The following ALK variants were observed in gnomAD, a reference collection of about 807,000 sequenced individuals.
The protein encoded by ALK is ALK receptor tyrosine kinase, also known as ALK tyrosine kinase receptor.
ALK carries 74 observed loss-of-function variants against 163.1 expected under a neutral mutation model. The ratio of observed to expected loss-of-function variants is 0.45; its 90% CI spans 0.38 to 0.55. The LOEUF is 0.55. ALK is among the 20% of genes least tolerant of loss of function. ALK has a pLI of 0.00. For synonymous variants in ALK, 960 were observed against 843.2 expected (o/e 1.14, Z -2.40); for missense variants, 2,063 against 2,105.3 (o/e 0.98, Z 0.39).
At chr2:29,247,623 T>G (rs116294896) in intron 12 of ALK, among the ~76,000 whole-genome samples, 1,541 of 152,316 alleles carry the variant, frequency 0.01, 34 homozygotes, top group African/African-American at 0.034. Flanking sequence ...GGGCCCAGGA[T>G]AAGTTACCAG....
rs557808541 is a variant in ALK, at chr2:29,667,833, A to G, written c.952+27017T>C. Among the ~76,000 whole-genome samples the G allele has an allele frequency of 7.9e-5, 12 of 151,988 alleles. No homozygotes were observed. In the East Asian group the frequency reaches 2.3e-3, roughly 29 times the overall value. On this transcript the variant is annotated intron_variant, in intron 3 of 28. Coordinates refer to ENST00000389048, the MANE Select transcript of ALK (RefSeq NM_004304.5). ...ATGTGGAAGTATTCCCTCCTCTTCAATTTTTTTGAAGAGTTTGAGCAAAAT... is the reference window on the plus strand; with the variant it reads ...ATGTGGAAGTATTCCCTCCTCTTCAGTTTTTTTGAAGAGTTTGAGCAAAAT...
At chr2:29,916,651 T>C (rs970922621) in intron 1 of ALK, among the ~76,000 whole-genome samples, 2 of 152,204 alleles carry the variant, frequency 1.3e-5, no homozygotes, top group Non-Finnish European at 2.9e-5. Context: ...GGCCTCTCCA[T>C]AGTACATGTA....
At chr2:29,717,002 A>C (rs1468775744) in intron 2 of ALK, among the ~76,000 whole-genome samples, 2 of 141,550 alleles carry the variant, frequency 1.4e-5, no homozygotes, top group Non-Finnish European at 3.1e-5. Flanking sequence ...AATCCAAAAA[A>C]AAAAAAAAAA....
rs143790259 is a variant in ALK, at chr2:29,220,716, C to G, written c.3635G>C (p.Arg1212Pro). 3 of 1,613,550 alleles carry G rather than the reference C, an allele frequency of 1.9e-6. No homozygotes were observed. In the Admixed American group the frequency reaches 5.0e-5, roughly 27 times the overall value. ...GDLKSFLRETRPRPSQPSSLA... is the reference protein window; with the variant it reads ...GDLKSFLRETPPRPSQPSSLA... ...CTGGTTCTCACTCACCGGGCGAGGGCGGGTCTCTCGGAGGAAGGACTTGAG... is the reference window on the plus strand; with the variant it reads ...CTGGTTCTCACTCACCGGGCGAGGGGGGGTCTCTCGGAGGAAGGACTTGAG... The change falls in exon 23 of 29, where the codon CGC (arginine) becomes CCC (proline). Residue 1212 changes from arginine (R) to proline (P), a missense_variant. This residue lies in a region of ALK where 575 missense variants were observed against 626.6 expected (regional missense o/e 0.92). Transcript: ENST00000389048.
At chr2:29,366,685 A>G (rs1375993037) in intron 5 of ALK, among the ~76,000 whole-genome samples, 1 of 152,194 alleles carries the variant, frequency 6.6e-6, no homozygotes, top group Admixed American at 6.5e-5. Flanking sequence ...CAATACTAGG[A>G]TGATACAGAA....
At position 29,209,542 on chromosome 2, in the gene ALK, CAA is replaced by C. The variant is rs76343130; in HGVS notation, c.3836+242_3836+243del. 0.035 allele frequency among the ~76,000 whole-genome samples: 2,795 copies of C among 80,102 alleles called. 69 individuals carry two copies. The highest frequency in any genetic ancestry group is 0.1 in the African/African-American group (2,599 of 26,070). 52.6% of individuals were successfully genotyped at this position (80,102 alleles called of 152,430 possible). On this transcript the variant is annotated intron_variant, in intron 25 of 28. Transcript: ENST00000389048. ...GGGCAACAAGAGCGAAACTCCGTCT[CAA>C]AAAAAAAAAAAAAAAAAAAGCTTGG... is the stretch of plus-strand genomic sequence containing the variant.
chr2:29,655,154 C>T (rs1180655383), intron 3 of ALK, among the ~76,000 whole-genome samples: 1 of 152,126 alleles, frequency 6.6e-6, no homozygotes, highest in Non-Finnish European at 1.5e-5. Flanking sequence ...TCTGATTTAT[C>T]AACCTTCAAA....
intron 13 of ALK, among the ~76,000 whole-genome samples, chr2:29,236,502 T>G (rs563486058): frequency 5.9e-5 from 9 of 152,316 alleles, no homozygotes; most frequent in Admixed American, 3.3e-4. Flanking sequence ...GAACTTGGGA[T>G]ATATTGGTGA....
At chr2:29,852,358 C>T (rs988568963) in intron 1 of ALK, among the ~76,000 whole-genome samples, 5 of 152,154 alleles carry the variant, frequency 3.3e-5, no homozygotes, top group Non-Finnish European at 7.3e-5. Context: ...CCCTCCTTAA[C>T]CCCTTCAGAC....
intron 4 of ALK, among the ~76,000 whole-genome samples, chr2:29,420,744 C>T (rs1406488645): frequency 1.3e-5 from 2 of 151,490 alleles, no homozygotes; most frequent in African/African-American, 4.9e-5. Context: ...GCTTTGTCAC[C>T]CTTTACGACC....
intron 1 of ALK, among the ~76,000 whole-genome samples, chr2:29,755,333 A>T (rs868499252): frequency 1.3e-5 from 2 of 152,238 alleles, no homozygotes; most frequent in Non-Finnish European, 2.9e-5. Context: ...AGGAAGCTCT[A>T]GAGTGTCAAA....
At chr2:29,688,390 TAAAAGAGAAAAG>T (rs1219355293) in intron 3 of ALK, among the ~76,000 whole-genome samples, 2 of 152,172 alleles carry the variant, frequency 1.3e-5, no homozygotes, top group Non-Finnish European at 2.9e-5. Flanking sequence ...TTATTTTATC[TAAAAGAGAAAAG>T]AAAACCTTTG....
intron 1 of ALK, among the ~76,000 whole-genome samples, chr2:29,745,475 G>A (rs1349273894): frequency 6.6e-6 from 1 of 152,164 alleles, no homozygotes; most frequent in South Asian, 2.1e-4. Context: ...CCTCCCAGTT[G>A]CTGGCAAGGT....
At chr2:29,255,823 T>C (rs776880575) in intron 11 of ALK, among the ~76,000 whole-genome samples, 3 of 152,178 alleles carry the variant, frequency 2.0e-5, no homozygotes, top group Non-Finnish European at 4.4e-5. Context: ...CTTGTTATTC[T>C]GTTTTATCTA....
chr2:29,605,639 G>A (rs957676447), intron 3 of ALK, among the ~76,000 whole-genome samples: 5 of 152,142 alleles, frequency 3.3e-5, no homozygotes, highest in Non-Finnish European at 7.4e-5. Context: ...GAAGGTGGCC[G>A]TCTACGAGCC....
At chr2:29,834,797 AC>A (rs1170830117) in intron 1 of ALK, among the ~76,000 whole-genome samples, 1 of 152,194 alleles carries the variant, frequency 6.6e-6, no homozygotes, top group East Asian at 1.9e-4. Context: ...CACATTAGTC[AC>A]ACCAAAACAC....
intron 3 of ALK, among the ~76,000 whole-genome samples, chr2:29,689,297 G>A (rs2631987): frequency 0.84 from 127,990 of 152,192 alleles, 53,986 homozygotes; most frequent in African/African-American, 0.89. Flanking sequence ...CTCAGAGTCA[G>A]CTCAGCCACT....
chr2:29,902,396 T>A (rs1667439279), intron 1 of ALK, among the ~76,000 whole-genome samples: 1 of 152,184 alleles, frequency 6.6e-6, no homozygotes. Context: ...ATCTGCATCT[T>A]TCCAAATCTT....
At chr2:29,218,444 G>T (rs576420888) in intron 23 of ALK, among the ~76,000 whole-genome samples, 5 of 151,890 alleles carry the variant, frequency 3.3e-5, no homozygotes, top group African/African-American at 1.2e-4. Flanking sequence ...TGGGGTGGGG[G>T]TAGTGAGAGA....
Sources: gnomAD v4.1 joint callset for allele counts (sites outside exome capture counted in the v4.1 genomes callset) on GRCh38, gnomAD v4.1.1 for gene constraint, gnomAD v4.1.1 regional missense constraint, MANE v1.5 for transcripts, NCBI Gene and HGNC (gene_info 2026-07-23, HGNC 2026-07-21) for gene names.